The following KCNIP1 variants were observed in gnomAD, a reference collection of about 807,000 sequenced individuals.
KCNIP1 encodes the protein potassium voltage-gated channel interacting protein 1.
Under a neutral mutation model 33.0 loss-of-function variants are expected in KCNIP1, and 18 were observed. The observed-to-expected ratio is 0.55, with a 90% CI of 0.38 to 0.81. The LOEUF (loss-of-function observed/expected upper bound fraction) is 0.81, where lower values mean the gene tolerates loss of function less well. Among genes scored for constraint, KCNIP1 ranks in the 30% least tolerant of loss-of-function variants. The probability of loss-of-function intolerance (pLI) is 0.00; values close to 1 mark genes in which losing one functional copy is unlikely to be tolerated. For synonymous variants in KCNIP1, 93 were observed against 98.3 expected (o/e 0.95, Z 0.32); for missense variants, 238 against 271.6 (o/e 0.88, Z 0.87).
intron 1 of KCNIP1, among the ~76,000 whole-genome samples, chr5:170,487,346 A>T (rs1757118823): frequency 6.6e-6 from 1 of 152,194 alleles, no homozygotes; most frequent in South Asian, 2.1e-4. Context: ...CTTCACAGCA[A>T]CATCTAGACT....
intron 1 of KCNIP1, among the ~76,000 whole-genome samples, chr5:170,653,130 C>T (rs957352609): frequency 2.0e-5 from 3 of 152,198 alleles, no homozygotes; most frequent in Non-Finnish European, 4.4e-5. Flanking sequence ...GACATGCAGA[C>T]AGCGATTGGA....
At chr5:170,428,200 C>T (rs884281) in intron 1 of KCNIP1, among the ~76,000 whole-genome samples, 114,187 of 152,128 alleles carry the variant, frequency 0.75, 43,716 homozygotes, top group African/African-American at 0.91. Flanking sequence ...AAACTGGAAA[C>T]GGGAGGAGGC....
chr5:170,463,015 G>A (rs1393896823), intron 1 of KCNIP1, among the ~76,000 whole-genome samples: 1 of 152,062 alleles, frequency 6.6e-6, no homozygotes, highest in Non-Finnish European at 1.5e-5. Context: ...CAAATATGGT[G>A]CAGTATATAC....
At chr5:170,418,608 A>G (rs1466716966) in intron 1 of KCNIP1, among the ~76,000 whole-genome samples, 1 of 152,180 alleles carries the variant, frequency 6.6e-6, no homozygotes, top group Non-Finnish European at 1.5e-5. Context: ...AACTGTGCCC[A>G]TGGGATCAAA....
chr5:170,472,028 A>G (rs891758955), intron 1 of KCNIP1, among the ~76,000 whole-genome samples: 1 of 152,132 alleles, frequency 6.6e-6, no homozygotes, highest in African/African-American at 2.4e-5. Context: ...TTGGGGAAGC[A>G]GTTCCTGACC....
intron 1 of KCNIP1, among the ~76,000 whole-genome samples, chr5:170,600,894 G>T (rs1758666035): frequency 6.6e-6 from 1 of 152,188 alleles, no homozygotes; most frequent in Non-Finnish European, 1.5e-5. Context: ...GCAGGGTCTG[G>T]AATGCAGCAA....
chr5:170,612,677 G>A (rs890942079), intron 1 of KCNIP1, among the ~76,000 whole-genome samples: 1 of 152,218 alleles, frequency 6.6e-6, no homozygotes, highest in East Asian at 1.9e-4. Context: ...ATGGTGGCAG[G>A]AGGAGAACAG....
At chr5:170,461,188 A>T (rs917921725) in intron 1 of KCNIP1, among the ~76,000 whole-genome samples, 1 of 152,248 alleles carries the variant, frequency 6.6e-6, no homozygotes, top group Non-Finnish European at 1.5e-5. Context: ...AACACATCCA[A>T]TGCTCATGTA....
chr5:170,577,934 A>C (rs997242332), intron 1 of KCNIP1, among the ~76,000 whole-genome samples: 1 of 152,244 alleles, frequency 6.6e-6, no homozygotes, highest in Admixed American at 6.5e-5. Flanking sequence ...GATGGATTTT[A>C]AATTTTTTAC....
chr5:170,731,734 C>T (rs2113895769), intron 5 of KCNIP1, among the ~76,000 whole-genome samples: 1 of 148,718 alleles, frequency 6.7e-6, no homozygotes, highest in South Asian at 2.2e-4. Context: ...GAATGAGAAA[C>T]TCATACAGAT....
At chr5:170,464,814 C>CCT (rs1756576580) in intron 1 of KCNIP1, among the ~76,000 whole-genome samples, 1 of 152,206 alleles carries the variant, frequency 6.6e-6, no homozygotes, top group African/African-American at 2.4e-5. Flanking sequence ...CCCCCAAAGC[C>CCT]TGGCTTAGGG....
intron 1 of KCNIP1, among the ~76,000 whole-genome samples, chr5:170,545,941 G>A (rs10056673): frequency 0.029 from 4,440 of 152,256 alleles, 220 homozygotes; most frequent in African/African-American, 0.099. Flanking sequence ...GACATTGTAT[G>A]TAAAAGAACT....
chr5:170,442,450 A>G (rs1162028644), intron 1 of KCNIP1, among the ~76,000 whole-genome samples: 1 of 152,114 alleles, frequency 6.6e-6, no homozygotes, highest in African/African-American at 2.4e-5. Context: ...TCTGGACCAA[A>G]CCATCTAGGA....
chr5:170,397,485 A>G (rs1754791363), intron 1 of KCNIP1, among the ~76,000 whole-genome samples: 1 of 147,888 alleles, frequency 6.8e-6, no homozygotes, highest in Non-Finnish European at 1.5e-5. Context: ...GGGCTTGAGC[A>G]CATGGGGACT....
At chr5:170,381,683 A>G (rs1764247215) in intron 1 of KCNIP1, among the ~76,000 whole-genome samples, 1 of 152,186 alleles carries the variant, frequency 6.6e-6, no homozygotes, top group Admixed American at 6.5e-5. Context: ...TCCTTCCTTC[A>G]CATCCTGCTG....
At chr5:170,622,570 C>T (rs556637149) in intron 1 of KCNIP1, among the ~76,000 whole-genome samples, 6 of 147,364 alleles carry the variant, frequency 4.1e-5, no homozygotes, top group South Asian at 2.1e-4. Flanking sequence ...TGCAGTGAGC[C>T]GAGATCGCGC....
intron 1 of KCNIP1, among the ~76,000 whole-genome samples, chr5:170,596,515 G>T (rs530640607): frequency 6.6e-6 from 1 of 152,330 alleles, no homozygotes; most frequent in East Asian, 1.9e-4. Context: ...CCACAGTAGG[G>T]AAGAGGAATG....
chr5:170,512,656 CAG>C (rs1395998119), intron 1 of KCNIP1, among the ~76,000 whole-genome samples: 5 of 152,332 alleles, frequency 3.3e-5, no homozygotes, highest in South Asian at 2.1e-4. Context: ...GGTCAGCACT[CAG>C]AATGCGCTAA....
In KCNIP1 at chr5:170,602,585, C is replaced by A. The variant is rs564097045; in HGVS notation, c.61+97952C>A. ...GGACCACAGCGGTGACCACTGTTCT[C>A]GTTTCCCTTTGGTGGCTCACTCACT... On this transcript the variant is annotated intron_variant, in intron 1 of 7. Transcript: ENST00000328939. Among the ~76,000 whole-genome samples the A allele has an allele frequency of 5.9e-5, 9 of 152,346 alleles. No individual in the cohort carries two copies. In the East Asian group the frequency reaches 1.7e-3, roughly 29 times the overall value.
Sources: allele counts gnomAD v4.1 joint callset (sites outside exome capture counted in the v4.1 genomes callset), GRCh38; gene constraint gnomAD v4.1.1; transcripts MANE v1.5; gene names NCBI Gene and HGNC (gene_info 2026-07-23, HGNC 2026-07-21).